The following SACS variants were observed in gnomAD, a reference collection of about 807,000 sequenced individuals.
SACS encodes sacsin.
Under a neutral mutation model 348.0 loss-of-function variants are expected in SACS, and 197 were observed. The ratio of observed to expected loss-of-function variants is 0.57; its 90% confidence interval spans 0.50 to 0.64. SACS has a LOEUF of 0.64. Ranked by LOEUF, SACS falls within the 30% of genes least tolerant of loss-of-function variation. SACS has a pLI of 0.00. For missense variants in SACS, 4,999 were observed against 5,360.8 expected, an observed-to-expected ratio of 0.93 and a Z score of 2.11; for synonymous variants, 1,985 against 1,910.6, an observed-to-expected ratio of 1.04 and a Z score of -1.02.
In SACS at chr13:23,336,124, T is replaced by C. The variant is rs1181200025; in HGVS notation, c.7752A>G (p.Gln2584=). 1 of 1,612,944 alleles carries C rather than the reference T, an allele frequency of 6.2e-7. No homozygotes were observed. Among genetic ancestry groups the C allele is most frequent in the South Asian group, 1.1e-5 (1 of 90,998 alleles). ...RIFDDKWAPL[Q]GPALCVYNNQ... The stretch of plus-strand genomic sequence containing the variant: ...TGTTGTACACACAAAGTGCTGGCCC[T>C]TGCAATGGGGCCCACTTATCATCAA... Residue 2584 remains glutamine (Q), a synonymous_variant, in exon 10 of 10, where the codon CAA becomes CAG. Coordinates refer to ENST00000382292, the MANE Select transcript of SACS (RefSeq NM_014363.6).
rs754693143 is a variant in SACS at position 23,330,603 on chromosome 13, C to T, written c.13273G>A (p.Gly4425Arg). 2.1e-5 allele frequency: 34 copies of T among 1,613,720 alleles called. No individual in the cohort carries two copies. The highest frequency in any genetic ancestry group is 5.0e-5 in the Admixed American group (3 of 59,958). Residue 4425 changes from glycine (G) to arginine (R), a missense_variant, in exon 10 of 10, where the codon GGA becomes AGA. Gly to Arg is a moderately radical substitution (Grantham distance 125, BLOSUM62 -2). This residue lies in a region of SACS where 254 missense variants were observed against 275.1 expected (regional missense o/e 0.92). Coordinates refer to ENST00000382292, the MANE Select transcript of SACS (RefSeq NM_014363.6). ...AAGAACCTTTGAGAGTAAGTCTGTC[C>T]GGCTGAAGGGGGGCATTTTTCTTTG... is the stretch of plus-strand genomic sequence containing the variant. ...QNKEKCPPSA[G>R]QTYSQRFFVP...
chr13:23,336,603 G>T lies in SACS; in HGVS notation c.7273C>A (p.Arg2425=), dbSNP rs145766983. 6.2e-7 allele frequency: 1 copy of T among 1,613,332 alleles called. No homozygotes were observed. Among genetic ancestry groups the T allele is most frequent in the Non-Finnish European group, 8.5e-7 (1 of 1,179,704 alleles). Residue 2425 remains arginine, a synonymous_variant, in exon 10 of 10, where the codon CGA becomes AGA. Coordinates refer to ENST00000382292, the MANE Select transcript of SACS (RefSeq NM_014363.6). ...QITEENFQLC[R]RIISEGIWSL... ...CATATTCCTTCACTGATTATTCGTC[G>T]GCAAAGCTGAAAATTCTCTTCTGTT...
Position 23,332,211 on chromosome 13 carries a change from G to A in SACS, c.11665C>T (p.Gln3889Ter), listed in dbSNP as rs779073874. Residue 3889 changes from glutamine to a stop codon, truncating the protein, a stop_gained, in exon 10 of 10, where the codon CAG becomes TAG. Coordinates refer to ENST00000382292, the MANE Select transcript of SACS (RefSeq NM_014363.6). LOFTEE classifies it high-confidence loss of function. ...RVVSGLFRSL[Q>*]NDSVKVRSDL... is the part of the protein sequence containing the mutation. ...CTCCTCACCTTGACTGAATCATTCT[G>A]TAGACTCCTGAACAGACCAGAAACT... 1.2e-6 allele frequency: 2 copies of A among 1,613,864 alleles called. No individual in the cohort carries two copies. Among genetic ancestry groups the A allele is most frequent in the Non-Finnish European group, 1.7e-6 (2 of 1,179,946 alleles).
Position 23,332,574 on chromosome 13 carries a change from T to C in SACS, c.11302A>G (p.Thr3768Ala), listed in dbSNP as rs774463808. ...ITTLDEEMVK[T>A]RAKVLRSIYE... is the part of the protein sequence containing the mutation. ...ATGCTCCTTAAGACTTTTGCTCTAG[T>C]TTTTACCATTTCTTCATCCAACGTC... Residue 3768 changes from threonine (T) to alanine (A), a missense_variant, in exon 10 of 10, where the codon ACT (threonine) becomes GCT (alanine). Thr to Ala is a moderately conservative substitution (Grantham distance 58). Coordinates refer to ENST00000382292, the MANE Select transcript of SACS (RefSeq NM_014363.6). 6.2e-5 allele frequency: 100 copies of C among 1,613,694 alleles called. No homozygotes were observed. Among genetic ancestry groups the C allele is most frequent in the Non-Finnish European group, 8.3e-5 (98 of 1,179,896 alleles).
intron 9 of SACS, among the ~76,000 whole-genome samples, chr13:23,352,322 G>A (rs931247527): frequency 6.6e-6 from 1 of 152,216 alleles, no homozygotes. Context: ...CAGCATCACA[G>A]CAAATAAAAG....
At position 23,334,698 on chromosome 13, in the gene SACS, G is replaced by A. The variant is rs1868411703; in HGVS notation, c.9178C>T (p.His3060Tyr). 1.2e-6 allele frequency: 2 copies of A among 1,613,690 alleles called. No individual in the cohort carries two copies. Among genetic ancestry groups the A allele is most frequent in the Middle Eastern group, 1.7e-4 (1 of 6,060 alleles). ...TTGAAACCAATTTCTAAAAGGAGAT[G>A]TTTCAGCCTATAGACATTCTCTGCT... ...TVAENVYRLK[H>Y]LLLEIGFNLV... The change falls in exon 10 of 10, where the codon CAT becomes TAT. Residue 3060 changes from histidine (H) to tyrosine (Y), a missense_variant. Coordinates refer to ENST00000382292, the MANE Select transcript of SACS (RefSeq NM_014363.6).
chr13:23,334,820 G>A lies in SACS; in HGVS notation c.9056C>T (p.Thr3019Ile). ...AVIITWINMS[T>I]SNKTRPFFDN... ...AAAAAATGGTCTAGTTTTATTAGAA[G>A]TAGACATATTGATCCAAGTAATTAT... The change falls in exon 10 of 10, where the codon ACT (threonine) becomes ATT (isoleucine). Residue 3019 changes from threonine to isoleucine, a missense_variant. By Grantham distance (89) the Thr-to-Ile change is moderately conservative (BLOSUM62 -1). Coordinates refer to ENST00000382292, the MANE Select transcript of SACS (RefSeq NM_014363.6). 6.2e-7 allele frequency: 1 copy of A among 1,613,778 alleles called. No individual in the cohort carries two copies. Among genetic ancestry groups the A allele is most frequent in the Non-Finnish European group, 8.5e-7 (1 of 1,179,788 alleles).
intron 9 of SACS, 65 bp downstream of exon 9, chr13:23,353,720 A>C: frequency 1.1e-6 from 1 of 899,802 alleles, no homozygotes; most frequent in Non-Finnish European, 1.7e-6. Context: ...TGAATAACAG[A>C]AAACTTTTAA....
intron 2 of SACS, among the ~76,000 whole-genome samples, chr13:23,378,060 T>G (rs941510268): frequency 2.0e-4 from 30 of 152,246 alleles, no homozygotes; most frequent in African/African-American, 7.0e-4. Flanking sequence ...AGGTCATGTT[T>G]CTGAGTTAGC....
At position 23,332,943 on chromosome 13, in the gene SACS, G is replaced by C. The variant is rs761683862; in HGVS notation, c.10933C>G (p.Leu3645Val). ...ERMDLLSGNF[L>V]KELSLIPFLC... is the part of the protein sequence containing the mutation. Reference sequence around the variant, plus strand: ...AATGGTATTAAAGATAGTTCTTTCAGAAAATTTCCAGATAACAAATCCATT... The same window carrying C: ...AATGGTATTAAAGATAGTTCTTTCACAAAATTTCCAGATAACAAATCCATT... Residue 3645 changes from leucine (L) to valine (V), a missense_variant, in exon 10 of 10, where the codon CTG becomes GTG. Physicochemically the swap from Leu to Val is conservative, Grantham distance 32. Around this residue, in one of 6 missense-constraint regions of SACS, gnomAD observed 831 missense variants for 941.8 expected, o/e 0.88. Coordinates refer to ENST00000382292, the MANE Select transcript of SACS (RefSeq NM_014363.6). The C allele has an allele frequency of 3.1e-6, 5 of 1,613,920 alleles. No homozygotes were observed. The highest frequency in any genetic ancestry group is 4.2e-6 in the Non-Finnish European group (5 of 1,179,906).
chr13:23,336,414 T>G lies in SACS; in HGVS notation c.7462A>C (p.Ile2488Leu). The G allele has an allele frequency of 6.2e-7, 1 of 1,614,132 alleles. No individual in the cohort carries two copies. Among genetic ancestry groups the G allele is most frequent in the Non-Finnish European group, 8.5e-7 (1 of 1,179,954 alleles). ...AGTTTTACTGCTACTTCCCTGGGTA[T>G]GTCAGCATGACAATATTTTACAGTG... ...DTTVKYCHADIPREVAVKLGA... is the reference protein window; with the variant it reads ...DTTVKYCHADLPREVAVKLGA... The change falls in exon 10 of 10, where the codon ATA (isoleucine) becomes CTA (leucine). Residue 2488 changes from isoleucine (I) to leucine (L), a missense_variant. Ile to Leu is a conservative substitution (Grantham distance 5). Coordinates refer to ENST00000382292, the MANE Select transcript of SACS (RefSeq NM_014363.6).
Position 23,330,769 on chromosome 13 carries a change from A to G in SACS, c.13107T>C (p.Asp4369=), listed in dbSNP as rs1445233565. The change falls in exon 10 of 10, where the codon GAT becomes GAC. Residue 4369 remains aspartate, a synonymous_variant. Coordinates refer to ENST00000382292, the MANE Select transcript of SACS (RefSeq NM_014363.6). ...GTCTGGAGGCCCTGTCTGCATTTTGATCTAGAAAAGCCTGTTTTTCTAATC... is the reference window on the plus strand; with the variant it reads ...GTCTGGAGGCCCTGTCTGCATTTTGGTCTAGAAAAGCCTGTTTTTCTAATC... ...INRLEKQAFL[D]QNADRASRRT... is the part of the protein sequence containing the mutation. The G allele has an allele frequency of 6.2e-7, 1 of 1,613,692 alleles. No individual in the cohort carries two copies. Among genetic ancestry groups the G allele is most frequent in the East Asian group, 2.2e-5 (1 of 44,880 alleles).
chr13:23,355,657 A>G lies in SACS; in HGVS notation c.955T>C (p.Tyr319His), dbSNP rs748486902. 3.7e-6 allele frequency: 6 copies of G among 1,614,042 alleles called. No individual in the cohort carries two copies. Among genetic ancestry groups the G allele is most frequent in the South Asian group, 1.1e-5 (1 of 91,084 alleles). The change falls in exon 8 of 10, where the codon TAT (tyrosine) becomes CAT (histidine). Residue 319 changes from tyrosine (Y) to histidine (H), a missense_variant. Transcript: ENST00000382292. ...FLKSVQDVSL[Y>H]VREADGTEKL... is the part of the protein sequence containing the mutation. ...TCTGTTCCGTCAGCCTCTCGGACATATAAGGAAACATCCTGCACACTTTTC... is the reference window on the plus strand; with the variant it reads ...TCTGTTCCGTCAGCCTCTCGGACATGTAAGGAAACATCCTGCACACTTTTC...
intron 2 of SACS, among the ~76,000 whole-genome samples, chr13:23,401,918 C>T (rs558312515): frequency 1.3e-5 from 2 of 152,290 alleles, no homozygotes; most frequent in Admixed American, 6.5e-5. Context: ...CAGTGGCTCA[C>T]GCCTCTAATC....
At chr13:23,406,546 T>C (rs1050958914) in intron 2 of SACS, among the ~76,000 whole-genome samples, 6 of 152,260 alleles carry the variant, frequency 3.9e-5, no homozygotes, top group African/African-American at 1.4e-4. Flanking sequence ...AGTTCTAATA[T>C]TAAGTATTAT....
At chr13:23,403,179 A>G (rs2137935006) in intron 2 of SACS, among the ~76,000 whole-genome samples, 1 of 146,578 alleles carries the variant, frequency 6.8e-6, no homozygotes, top group African/African-American at 2.5e-5. Context: ...CTCCACCTTA[A>G]AAAAAAAAAA....
intron 1 of SACS, chr13:23,426,910 T>C (rs1483410162): frequency 1.3e-5 from 2 of 152,166 alleles, no homozygotes; most frequent in African/African-American, 2.4e-5. Context: ...GCCTAAGATA[T>C]TTTCCTTTCA....
intron 2 of SACS, among the ~76,000 whole-genome samples, chr13:23,381,898 G>GA (rs1872073045): frequency 1.3e-5 from 2 of 152,090 alleles, no homozygotes; most frequent in African/African-American, 4.8e-5. Context: ...CAGTAACTTG[G>GA]AAAAATGAAT....
chr13:23,418,438 T>C (rs1250136731), intron 1 of SACS, among the ~76,000 whole-genome samples: 3 of 152,200 alleles, frequency 2.0e-5, no homozygotes, highest in Non-Finnish European at 4.4e-5. Flanking sequence ...TTTAGACATA[T>C]ATGTTTGTTT....
Sources: allele counts gnomAD v4.1 joint callset (sites outside exome capture counted in the v4.1 genomes callset), GRCh38; gene constraint gnomAD v4.1.1; regional missense constraint gnomAD v4.1.1; transcripts MANE v1.5; gene names NCBI Gene and HGNC (gene_info 2026-07-23, HGNC 2026-07-21).